Variants in DPYD observed in about 807,000 individuals in gnomAD.
DPYD encodes dihydropyrimidine dehydrogenase.
Under a neutral mutation model 116.2 loss-of-function variants are expected in DPYD, and 109 were observed. That is an observed-to-expected ratio of 0.94 (90% CI 0.80 to 1.10). The LOEUF (loss-of-function observed/expected upper bound fraction) is 1.10. Ranked by LOEUF, DPYD falls within the 50% of genes least tolerant of loss-of-function variation. The probability of loss-of-function intolerance (pLI) is 0.00; values close to 1 mark genes in which losing one functional copy is unlikely to be tolerated. For missense variants in DPYD, 1,302 were observed against 1,254.5 expected (o/e 1.04, Z -0.57); for synonymous variants, 440 against 432.0 (o/e 1.02, Z -0.23).
intron 20 of DPYD, among the ~76,000 whole-genome samples, chr1:97,112,100 G>A (rs528819338): frequency 3.0e-4 from 45 of 151,972 alleles, no homozygotes; most frequent in Non-Finnish European, 5.7e-4. Flanking sequence ...ATGTCTCATA[G>A]CTTTTTATTA....
chr1:97,556,186 A>T (rs989906442), intron 11 of DPYD, among the ~76,000 whole-genome samples: 1 of 152,100 alleles, frequency 6.6e-6, no homozygotes, highest in African/African-American at 2.4e-5. Flanking sequence ...GTGCTCCTTG[A>T]TTTCTCAGCA....
intron 20 of DPYD, among the ~76,000 whole-genome samples, chr1:97,152,113 T>C (rs1183792084): frequency 6.6e-6 from 1 of 152,180 alleles, no homozygotes; most frequent in East Asian, 1.9e-4. Context: ...GTCAAGGCCA[T>C]TTACACTACT....
chr1:97,499,493 A>G (rs1679455622), intron 13 of DPYD, among the ~76,000 whole-genome samples: 1 of 151,814 alleles, frequency 6.6e-6, no homozygotes, highest in Non-Finnish European at 1.5e-5. Context: ...CATTTCAGAG[A>G]CTGCATGATG....
chr1:97,212,878 G>C (rs1422019889), intron 19 of DPYD, among the ~76,000 whole-genome samples: 1 of 152,134 alleles, frequency 6.6e-6, no homozygotes, highest in Non-Finnish European at 1.5e-5. Flanking sequence ...TCTATAGAAT[G>C]AGGACAGTAA....
At chr1:97,531,589 TA>T (rs1649629931) in intron 12 of DPYD, among the ~76,000 whole-genome samples, 1 of 152,302 alleles carries the variant, frequency 6.6e-6, no homozygotes, top group African/African-American at 2.4e-5. Flanking sequence ...TATTCTTATT[TA>T]AAATTGTTTT....
At chr1:97,560,410 T>C (rs1252354647) in intron 11 of DPYD, among the ~76,000 whole-genome samples, 1 of 151,932 alleles carries the variant, frequency 6.6e-6, no homozygotes, top group Non-Finnish European at 1.5e-5. Flanking sequence ...AGTTAAATAG[T>C]AAAGGCAAAA....
At chr1:97,598,598 A>C (rs1474437359) in intron 8 of DPYD, among the ~76,000 whole-genome samples, 2 of 149,538 alleles carry the variant, frequency 1.3e-5, no homozygotes, top group Non-Finnish European at 3.0e-5. Context: ...TTCTCTGAAA[A>C]AGAAGGGAGG....
chr1:97,211,946 T>C (rs1052788997), intron 19 of DPYD, among the ~76,000 whole-genome samples: 10 of 152,178 alleles, frequency 6.6e-5, no homozygotes, highest in African/African-American at 2.4e-4. Flanking sequence ...CTTACTTGCC[T>C]ACAGATTTTT....
intron 20 of DPYD, among the ~76,000 whole-genome samples, chr1:97,172,965 C>A (rs539648623): frequency 6.6e-6 from 1 of 152,208 alleles, no homozygotes; most frequent in African/African-American, 2.4e-5. Context: ...TTGAGATGGA[C>A]ACTTGTTTCC....
At chr1:97,437,298 TG>T (rs1189650936) in intron 14 of DPYD, among the ~76,000 whole-genome samples, 2 of 151,242 alleles carry the variant, frequency 1.3e-5, no homozygotes, top group Admixed American at 6.6e-5. Context: ...TTTTGTGAGG[TG>T]TTTTTTTTTT....
chr1:97,122,085 A>T (rs1652484034), intron 20 of DPYD, among the ~76,000 whole-genome samples: 1 of 152,204 alleles, frequency 6.6e-6, no homozygotes, highest in South Asian at 2.1e-4. Context: ...ATGGCATTCA[A>T]GGCAATGAGA....
chr1:97,642,891 A>G, intron 8 of DPYD, among the ~76,000 whole-genome samples: 1 of 143,580 alleles, frequency 7.0e-6, no homozygotes, highest in East Asian at 2.0e-4. Flanking sequence ...TAATAATAAA[A>G]TTAAATTAAA....
intron 14 of DPYD, among the ~76,000 whole-genome samples, chr1:97,443,823 C>A (rs1309876450): frequency 6.6e-6 from 1 of 152,140 alleles, no homozygotes; most frequent in East Asian, 1.9e-4. Flanking sequence ...ATAAAAACTT[C>A]AAAGAAATAG....
At chr1:97,082,767 T>C (rs960650051) in intron 21 of DPYD, among the ~76,000 whole-genome samples, 5 of 152,114 alleles carry the variant, frequency 3.3e-5, no homozygotes, top group Non-Finnish European at 7.4e-5. Context: ...AAAGAATAAA[T>C]GACACCCGTG....
intron 14 of DPYD, among the ~76,000 whole-genome samples, chr1:97,409,232 T>C (rs542521102): frequency 1.3e-5 from 2 of 152,286 alleles, no homozygotes; most frequent in South Asian, 4.1e-4. Flanking sequence ...AATATGATTT[T>C]ATGTAAATAA....
At chr1:97,583,843 T>C (rs1427504848) in intron 10 of DPYD, among the ~76,000 whole-genome samples, 1 of 152,156 alleles carries the variant, frequency 6.6e-6, no homozygotes, top group African/African-American at 2.4e-5. Flanking sequence ...TTCCAAGTCT[T>C]TGCTATTGTG....
intron 2 of DPYD, among the ~76,000 whole-genome samples, chr1:97,874,243 C>T (rs1671795468): frequency 6.6e-6 from 1 of 151,848 alleles, no homozygotes; most frequent in African/African-American, 2.4e-5. Context: ...AATGTATTTG[C>T]TTCTCAGCAC....
chr1:97,686,266 G>A (rs1207457369), intron 7 of DPYD, among the ~76,000 whole-genome samples: 1 of 152,154 alleles, frequency 6.6e-6, no homozygotes, highest in Admixed American at 6.5e-5. Context: ...TGGGAAAGCT[G>A]GCTAGCCATA....
intron 2 of DPYD, among the ~76,000 whole-genome samples, chr1:97,878,582 G>A (rs1246357335): frequency 6.6e-6 from 1 of 151,886 alleles, no homozygotes; most frequent in Non-Finnish European, 1.5e-5. Context: ...AATCATATGT[G>A]TTTTATCTCC....
Sources: gnomAD v4.1 joint callset for allele counts (sites outside exome capture counted in the v4.1 genomes callset) on GRCh38, gnomAD v4.1.1 for gene constraint, MANE v1.5 for transcripts, NCBI Gene and HGNC (gene_info 2026-07-23, HGNC 2026-07-21) for gene names.